SLC25A26: variants seen among roughly 807,000 people sequenced by gnomAD.
SLC25A26 encodes solute carrier family 25 member 26.
A neutral mutation model predicts 37.8 loss-of-function variants in SLC25A26; 36 were observed. The ratio of observed to expected loss-of-function variants is 0.95; its 90% CI spans 0.73 to 1.26. SLC25A26 has a LOEUF of 1.26. Among genes scored for constraint, SLC25A26 ranks in the 50% most tolerant of loss-of-function variants. SLC25A26 has a pLI of 0.00. For missense variants in SLC25A26, 390 were observed against 331.1 expected, an observed-to-expected ratio of 1.18 and a Z score of -1.38; for synonymous variants, 129 against 122.5, an observed-to-expected ratio of 1.05 and a Z score of -0.35.
chr3:66,295,780 A>G (rs576381601), intron 5 of SLC25A26, among the ~76,000 whole-genome samples: 24 of 151,710 alleles, frequency 1.6e-4, no homozygotes, highest in Admixed American at 1.5e-3. Flanking sequence ...TTACAGGTGC[A>G]AGCCACCGTG....
intron 1 of SLC25A26, among the ~76,000 whole-genome samples, chr3:66,135,173 T>A (rs2069928870): frequency 6.6e-6 from 1 of 152,192 alleles, no homozygotes; most frequent in African/African-American, 2.4e-5. Context: ...TTTTATAAAG[T>A]TCAAATTTTA....
At chr3:66,272,877 C>T (rs2074005091) in intron 5 of SLC25A26, among the ~76,000 whole-genome samples, 1 of 152,124 alleles carries the variant, frequency 6.6e-6, no homozygotes, top group African/African-American at 2.4e-5. Flanking sequence ...TGCCAGTTTT[C>T]AAAGGGAGTG....
intron 3 of SLC25A26, among the ~76,000 whole-genome samples, chr3:66,254,685 AC>A (rs2073231854): frequency 6.6e-6 from 1 of 152,272 alleles, no homozygotes; most frequent in Admixed American, 6.5e-5. Flanking sequence ...CTTGGGTTTC[AC>A]CCATGCTTCC....
intron 5 of SLC25A26, among the ~76,000 whole-genome samples, chr3:66,306,326 G>A (rs2075220402): frequency 6.6e-6 from 1 of 152,122 alleles, no homozygotes. Flanking sequence ...GCGTGAGACG[G>A]TATCTCATTG....
At chr3:66,290,158 T>G (rs1356724014) in intron 5 of SLC25A26, among the ~76,000 whole-genome samples, 1 of 152,234 alleles carries the variant, frequency 6.6e-6, no homozygotes, top group Non-Finnish European at 1.5e-5. Flanking sequence ...TTTTGCACAT[T>G]GGTTTTGTAT....
intron 7 of SLC25A26, among the ~76,000 whole-genome samples, chr3:66,366,974 C>T (rs992431374): frequency 1.6e-4 from 24 of 152,306 alleles, no homozygotes; most frequent in Non-Finnish European, 8.8e-5. Flanking sequence ...ATGCCAGATA[C>T]GAAGTAAGCA....
chr3:66,325,323 G>T (rs1263111794), intron 5 of SLC25A26, among the ~76,000 whole-genome samples: 1 of 152,180 alleles, frequency 6.6e-6, no homozygotes, highest in Non-Finnish European at 1.5e-5. Context: ...ATTGATGGAT[G>T]GATAGGTGGT....
At position 66,209,093 on chromosome 3, in the gene SLC25A26, T is replaced by C. The variant is rs1337748170; in HGVS notation, c.-353-11649T>C. Among the ~76,000 whole-genome samples the C allele has an allele frequency of 6.2e-3, 278 of 44,622 alleles. 7 individuals are homozygous for C. The highest frequency in any genetic ancestry group is 0.048 in the African/African-American group (262 of 5,498). The allele number at this position is 44,622 out of a possible 152,430, so 29.3% of individuals were successfully genotyped here. ...ACACACACACCCATATAAAGATGTA[T>C]ATATATATATATATATATATACACA... On this transcript the variant is annotated intron_variant, in intron 1 of 10. Coordinates refer to the SLC25A26 transcript ENST00000676754.
intron 5 of SLC25A26, among the ~76,000 whole-genome samples, chr3:66,294,622 C>G (rs1438723778): frequency 6.6e-6 from 1 of 152,052 alleles, no homozygotes; most frequent in African/African-American, 2.4e-5. Context: ...GTTTGGAAGG[C>G]TCTGTGTGAT....
chr3:66,224,374 T>C (rs2071640673), intron 1 of SLC25A26, among the ~76,000 whole-genome samples: 2 of 152,168 alleles, frequency 1.3e-5, no homozygotes, highest in African/African-American at 4.8e-5. Context: ...GCAAGTCATG[T>C]CTTACATAGT....
intron 5 of SLC25A26, among the ~76,000 whole-genome samples, chr3:66,277,378 C>G (rs2074190127): frequency 6.6e-6 from 1 of 151,880 alleles, no homozygotes; most frequent in Non-Finnish European, 1.5e-5. Context: ...TATGTGTAAA[C>G]TAAGAAAGTA....
At chr3:66,237,188 A>G (rs1400771736) in intron 2 of SLC25A26, among the ~76,000 whole-genome samples, 1 of 152,062 alleles carries the variant, frequency 6.6e-6, no homozygotes, top group Non-Finnish European at 1.5e-5. Context: ...CCATTTCAAT[A>G]TATTTGTAGT....
chr3:66,292,973 T>A (rs936245391), intron 5 of SLC25A26: 1 of 152,138 alleles, frequency 6.6e-6, no homozygotes, highest in Non-Finnish European at 1.5e-5. Context: ...TCTTGGAGGC[T>A]TTGTTTGTTC....
At chr3:66,366,678 T>C (rs773028164) in intron 7 of SLC25A26, among the ~76,000 whole-genome samples, 16 of 152,250 alleles carry the variant, frequency 1.1e-4, no homozygotes, top group Non-Finnish European at 2.2e-4. Flanking sequence ...ATTTATTAGA[T>C]GTTCCTTATC....
intron 1 of SLC25A26, among the ~76,000 whole-genome samples, chr3:66,195,516 C>T (rs2071031357): frequency 6.6e-6 from 1 of 152,202 alleles, no homozygotes; most frequent in Admixed American, 6.5e-5. Flanking sequence ...GTTGGAGGCT[C>T]AGCTAAAAAC....
At chr3:66,270,546 C>T (rs1413219720) in intron 5 of SLC25A26, among the ~76,000 whole-genome samples, 1 of 152,132 alleles carries the variant, frequency 6.6e-6, no homozygotes, top group East Asian at 1.9e-4. Flanking sequence ...TGTAATGAGA[C>T]ATTCTTTTTG....
chr3:66,148,749 A>G (rs1237264466), intron 1 of SLC25A26, among the ~76,000 whole-genome samples: 1 of 152,062 alleles, frequency 6.6e-6, no homozygotes, highest in African/African-American at 2.4e-5. Flanking sequence ...GATCTTCTAA[A>G]ATGTAGAGAT....
intron 5 of SLC25A26, among the ~76,000 whole-genome samples, chr3:66,285,206 G>GT (rs2074469198): frequency 6.6e-6 from 1 of 151,892 alleles, no homozygotes; most frequent in Non-Finnish European, 1.5e-5. Context: ...TAAAAACAGT[G>GT]TAATGAGGTA....
intron 1 of SLC25A26, among the ~76,000 whole-genome samples, chr3:66,208,366 T>A (rs1254995604): frequency 2.6e-5 from 4 of 151,956 alleles, no homozygotes; most frequent in East Asian, 3.9e-4. Context: ...CCTTTTTTTT[T>A]AAAGGAAATC....
Sources: allele counts gnomAD v4.1 joint callset (sites outside exome capture counted in the v4.1 genomes callset), GRCh38; gene constraint gnomAD v4.1.1; transcripts MANE v1.5; gene names NCBI Gene and HGNC (gene_info 2026-07-23, HGNC 2026-07-21).